Variants in TNRC6B observed in about 807,000 individuals in gnomAD.
TNRC6B encodes trinucleotide repeat containing adaptor 6B.
A neutral mutation model predicts 203.6 loss-of-function variants in TNRC6B; 52 were observed. That is an observed-to-expected ratio of 0.26 (90% confidence interval 0.20 to 0.32). TNRC6B has a LOEUF of 0.32. Ranked by LOEUF, TNRC6B falls within the 10% of genes least tolerant of loss-of-function variation. The pLI is 1.00. For synonymous variants in TNRC6B, 838 were observed against 845.7 expected, an observed-to-expected ratio of 0.99 and a Z score of 0.16; for missense variants, 1,923 against 2,286.2, an observed-to-expected ratio of 0.84 and a Z score of 3.24.
chr22:40,291,475 C>G (rs2070868657), intron 12 of TNRC6B, among the ~76,000 whole-genome samples: 2 of 152,126 alleles, frequency 1.3e-5, no homozygotes, highest in Non-Finnish European at 2.9e-5. Flanking sequence ...AATACAATGA[C>G]AGGAATTATT....
intron 1 of TNRC6B, among the ~76,000 whole-genome samples, chr22:40,223,330 G>A (rs1197029654): frequency 6.6e-6 from 1 of 152,024 alleles, no homozygotes; most frequent in Non-Finnish European, 1.5e-5. Context: ...TAGTGGAGAC[G>A]GGGTTTCACC....
intron 1 of TNRC6B, among the ~76,000 whole-genome samples, chr22:40,109,134 T>C (rs1384171158): frequency 6.6e-6 from 1 of 152,224 alleles, no homozygotes; most frequent in Non-Finnish European, 1.5e-5. Flanking sequence ...TATGGCTGCA[T>C]AGTATTCCAT....
At chr22:40,099,269 GA>G (rs1043194937) in intron 1 of TNRC6B, among the ~76,000 whole-genome samples, 19 of 148,438 alleles carry the variant, frequency 1.3e-4, no homozygotes, top group East Asian at 3.9e-4. Flanking sequence ...AAAAAAAAAG[GA>G]AAAAAAAACA....
chr22:40,258,802 G>A (rs1458445689), intron 3 of TNRC6B, among the ~76,000 whole-genome samples: 1 of 152,168 alleles, frequency 6.6e-6, no homozygotes, highest in South Asian at 2.1e-4. Flanking sequence ...TACATGATAC[G>A]TGATACCTAC....
At chr22:40,249,221 G>A (rs2070150697) in intron 2 of TNRC6B, among the ~76,000 whole-genome samples, 1 of 152,142 alleles carries the variant, frequency 6.6e-6, no homozygotes, top group Non-Finnish European at 1.5e-5. Flanking sequence ...GTATTTGTAT[G>A]GCCAGTAACT....
intron 4 of TNRC6B, among the ~76,000 whole-genome samples, chr22:40,163,281 T>C (rs1420992780): frequency 1.3e-5 from 2 of 149,532 alleles, no homozygotes; most frequent in Non-Finnish European, 3.0e-5. Flanking sequence ...GAGCGTGTTG[T>C]TGTGTGCCGG....
At chr22:40,242,179 A>AGTGT (rs58498001) in intron 1 of TNRC6B, among the ~76,000 whole-genome samples, 3,555 of 149,488 alleles carry the variant, frequency 0.024, 43 homozygotes, top group Admixed American at 0.058. Context: ...AGGGAATAAG[A>AGTGT]GTGTGTGTGT....
chr22:40,099,210 C>T (rs911112087), intron 1 of TNRC6B, among the ~76,000 whole-genome samples: 3 of 149,848 alleles, frequency 2.0e-5, no homozygotes, highest in Non-Finnish European at 3.0e-5. Flanking sequence ...AGATCGCGTG[C>T]ACCACTGCAC....
intron 1 of TNRC6B, among the ~76,000 whole-genome samples, chr22:40,069,517 C>T (rs1340618512): frequency 7.2e-6 from 1 of 139,644 alleles, no homozygotes; most frequent in African/African-American, 2.7e-5. Flanking sequence ...GATGGAGTTT[C>T]GCTCTCATTG....
intron 1 of TNRC6B, among the ~76,000 whole-genome samples, chr22:40,058,959 C>T (rs375911147): frequency 2.1e-4 from 32 of 152,292 alleles, no homozygotes; most frequent in South Asian, 1.9e-3. Flanking sequence ...ACATTTCCTA[C>T]GTACTATTTT....
chr22:40,246,572 TC>T (rs2070110260), intron 2 of TNRC6B, among the ~76,000 whole-genome samples: 1 of 152,242 alleles, frequency 6.6e-6, no homozygotes, highest in South Asian at 2.1e-4. Context: ...AAGTTCAAGG[TC>T]TGCATTTGTT....
chr22:40,061,707 G>C (rs1008722723), intron 1 of TNRC6B, among the ~76,000 whole-genome samples: 2 of 151,166 alleles, frequency 1.3e-5, no homozygotes, highest in African/African-American at 4.9e-5. Context: ...TATTATTTTA[G>C]TGATTTATAA....
At chr22:40,238,869 G>C (rs1017910186) in intron 1 of TNRC6B, among the ~76,000 whole-genome samples, 2 of 152,192 alleles carry the variant, frequency 1.3e-5, no homozygotes, top group Non-Finnish European at 2.9e-5. Context: ...GAGAGCCAAA[G>C]CTCGGTTTTG....
chr22:40,306,504 A>G (rs2071089049), intron 15 of TNRC6B, among the ~76,000 whole-genome samples: 1 of 152,212 alleles, frequency 6.6e-6, no homozygotes, highest in African/African-American at 2.4e-5. Context: ...CTGGAATCCA[A>G]GCACCTTGGC....
chr22:40,284,520 T>C (rs2070758954), intron 11 of TNRC6B, among the ~76,000 whole-genome samples: 1 of 152,170 alleles, frequency 6.6e-6, no homozygotes, highest in Admixed American at 6.5e-5. Flanking sequence ...TTTTCCGGTG[T>C]GTGGAATTGG....
intron 3 of TNRC6B, among the ~76,000 whole-genome samples, chr22:40,154,875 A>ATATATG (rs1555885942): frequency 2.9e-4 from 15 of 51,370 alleles, no homozygotes; most frequent in Admixed American, 6.5e-4. Flanking sequence ...ATATATATAT[A>ATATATG]TATATATATA....
At position 40,321,342 on chromosome 22, in the gene TNRC6B, C is replaced by T. The variant is rs777771103; in HGVS notation, c.5114+113C>T. ...CCAGAACATATACGAAGAATGGCAC[C>T]GTCACACGTGCATCTGCAAGTCTCG... On this transcript the variant is annotated intron_variant, in intron 22 of 22. Coordinates refer to ENST00000454349, the MANE Select transcript of TNRC6B (RefSeq NM_001162501.2). The T allele has an allele frequency of 6.1e-5, 76 of 1,238,888 alleles. No individual in the cohort carries two copies. The South Asian group carries it at 6.5e-4, about 11-fold the overall frequency. 76.7% of individuals were successfully genotyped at this position (1,238,888 alleles called of 1,614,324 possible). A position where few individuals can be genotyped will look rare whatever the true frequency, so the allele number is the denominator to read the frequency against.
In TNRC6B at chr22:40,100,290, A is replaced by G. The variant is rs554634100; in HGVS notation, c.-120-16765A>G. 4.0e-5 allele frequency among the ~76,000 whole-genome samples: 6 copies of G among 150,736 alleles called. 1 individual carries two copies. In the East Asian group the frequency reaches 9.9e-4, roughly 25 times the overall value. On this transcript the variant is annotated intron_variant, in intron 1 of 23. Transcript: ENST00000301923. ...TTTTTAGTAGAGACAGGGTCTCGCC[A>G]TGTTGCCTAGGCTGGTCTCGAACTT...
chr22:40,157,293 A>G (rs751130532), intron 4 of TNRC6B, among the ~76,000 whole-genome samples: 1 of 92,638 alleles, frequency 1.1e-5, no homozygotes, highest in Non-Finnish European at 2.0e-5. Context: ...CCTAAATTGA[A>G]TGGGCCAGTG....
Sources: allele counts gnomAD v4.1 joint callset (sites outside exome capture counted in the v4.1 genomes callset), GRCh38; gene constraint gnomAD v4.1.1; transcripts MANE v1.5; gene names NCBI Gene and HGNC (gene_info 2026-07-23, HGNC 2026-07-21).